MALRD1: variants seen among roughly 807,000 people sequenced by gnomAD.
MALRD1 encodes the protein MAM and LDL-receptor class A domain-containing protein 1.
Under a neutral mutation model 242.1 loss-of-function variants are expected in MALRD1, and 247 were observed. The ratio of observed to expected loss-of-function variants is 1.02; its 90% confidence interval spans 0.92 to 1.13. The LOEUF (loss-of-function observed/expected upper bound fraction) is 1.13, where lower values mean the gene tolerates loss of function less well. MALRD1 is among the 50% of genes most tolerant of loss of function. The pLI is 0.00. For synonymous variants in MALRD1, 995 were observed against 866.6 expected (o/e 1.15, Z -2.60); for missense variants, 2,989 against 2,533.1 (o/e 1.18, Z -3.86).
chr10:19,387,848 A>C, intron 27 of MALRD1, 75 bp downstream of exon 27: 1 of 1,483,056 alleles, frequency 6.7e-7, no homozygotes, highest in Non-Finnish European at 9.0e-7. Context: ...TCTGATAGCA[A>C]CTGGGGAGCT....
chr10:19,702,345 C>G (rs1460146223), intron 38 of MALRD1, among the ~76,000 whole-genome samples: 1 of 152,200 alleles, frequency 6.6e-6, no homozygotes, highest in East Asian at 1.9e-4. Flanking sequence ...TTCATGCCCT[C>G]TGCCTGGCAG....
Position 19,692,272 on chromosome 10 carries a change from T to C in MALRD1, c.6138-10T>C. 6.5e-7 allele frequency: 1 copy of C among 1,528,698 alleles called. No individual in the cohort carries two copies. The highest frequency in any genetic ancestry group is 8.8e-7 in the Non-Finnish European group (1 of 1,142,358). 94.7% of individuals were successfully genotyped at this position (1,528,698 alleles called of 1,614,324 possible). On this transcript the variant is annotated splice_polypyrimidine_tract_variant and intron_variant, in intron 36 of 39. Transcript: ENST00000454679. Reference sequence around the variant, plus strand: ...TTTTTTCCAACTATTTTATTTTATCTCCTTTCCAGATGTAGACAAGGCTGG... The same window carrying C: ...TTTTTTCCAACTATTTTATTTTATCCCCTTTCCAGATGTAGACAAGGCTGG...
At position 19,709,146 on chromosome 10, in the gene MALRD1, C is replaced by T. The variant is rs1257849460; in HGVS notation, c.6314+16592C>T. On this transcript the variant is annotated intron_variant, in intron 38 of 39. Coordinates refer to ENST00000454679, the MANE Select transcript of MALRD1 (RefSeq NM_001142308.3). ...TATGACTGGGTGCTGTGGCTCATGC[C>T]TGTAATCCCAGTGCTTTGGGAGGCC... Among the ~76,000 whole-genome samples the T allele has an allele frequency of 1.1e-4, 16 of 147,918 alleles. No individual in the cohort carries two copies. The Admixed American group carries it at 1.1e-3, about 10-fold the overall frequency.
chr10:19,242,211 A>G (rs1478787010), intron 18 of MALRD1, among the ~76,000 whole-genome samples: 1 of 152,186 alleles, frequency 6.6e-6, no homozygotes, highest in Admixed American at 6.5e-5. Flanking sequence ...AATAGAAATG[A>G]GAACCAAGTG....
chr10:19,359,675 TG>T (rs1388266634), intron 26 of MALRD1, among the ~76,000 whole-genome samples: 21 of 148,496 alleles, frequency 1.4e-4, no homozygotes, highest in African/African-American at 5.0e-4. Flanking sequence ...GCAAAGCAAG[TG>T]AAAAAAAAAG....
At chr10:19,122,340 C>T (rs1341445852) in intron 5 of MALRD1, among the ~76,000 whole-genome samples, 1 of 152,132 alleles carries the variant, frequency 6.6e-6, no homozygotes, top group African/African-American at 2.4e-5. Context: ...ACGTTATCAT[C>T]ATTAGTAATG....
intron 32 of MALRD1, among the ~76,000 whole-genome samples, chr10:19,565,449 CA>C (rs2131454795): frequency 1.3e-5 from 2 of 152,098 alleles, no homozygotes; most frequent in African/African-American, 4.8e-5. Context: ...GAAGAAATTA[CA>C]AAATAAATAT....
At chr10:19,485,280 G>A (rs1474783941) in intron 29 of MALRD1, among the ~76,000 whole-genome samples, 1 of 152,046 alleles carries the variant, frequency 6.6e-6, no homozygotes. Flanking sequence ...AGACTTTATC[G>A]CTGTACAATT....
At position 19,399,750 on chromosome 10, in the gene MALRD1, T is replaced by A. The variant is rs561408557; in HGVS notation, c.4845+10141T>A. 3.3e-5 allele frequency among the ~76,000 whole-genome samples: 5 copies of A among 151,856 alleles called. No individual in the cohort carries two copies. The East Asian group carries it at 9.6e-4, about 29-fold the overall frequency. Reference sequence around the variant, plus strand: ...TTTAATTAAAATAAATGTTTTAAACTTTTTTTAACAAATAAAGAAATATTT... The same window carrying A: ...TTTAATTAAAATAAATGTTTTAAACATTTTTTAACAAATAAAGAAATATTT... On this transcript the variant is annotated intron_variant, in intron 28 of 39. Coordinates refer to ENST00000454679, the MANE Select transcript of MALRD1 (RefSeq NM_001142308.3).
At chr10:19,546,396 A>G (rs900861654) in intron 32 of MALRD1, among the ~76,000 whole-genome samples, 33 of 152,190 alleles carry the variant, frequency 2.2e-4, no homozygotes, top group Non-Finnish European at 4.4e-4. Context: ...GGGACATTGC[A>G]TCATTTCTCT....
At chr10:19,425,065 T>A (rs921610458) in intron 28 of MALRD1, among the ~76,000 whole-genome samples, 2 of 152,292 alleles carry the variant, frequency 1.3e-5, no homozygotes, top group Middle Eastern at 3.4e-3. Context: ...AATATGATAG[T>A]TTTATATTTA....
At chr10:19,118,135 T>C (rs1226972591) in intron 5 of MALRD1, among the ~76,000 whole-genome samples, 1 of 152,168 alleles carries the variant, frequency 6.6e-6, no homozygotes, top group Non-Finnish European at 1.5e-5. Flanking sequence ...AAATAGTCAG[T>C]ATGGTCACAT....
chr10:19,097,742 A>G (rs778122828), intron 4 of MALRD1, among the ~76,000 whole-genome samples: 1 of 152,220 alleles, frequency 6.6e-6, no homozygotes, highest in African/African-American at 2.4e-5. Flanking sequence ...TTTACTAAAC[A>G]GACCTGGACT....
chr10:19,125,360 T>C (rs1001467355), intron 7 of MALRD1, among the ~76,000 whole-genome samples: 109 of 116,910 alleles, frequency 9.3e-4, no homozygotes, highest in Admixed American at 2.5e-3. Context: ...TTTCTTTCTT[T>C]CTTTCTTTCT....
In MALRD1 at chr10:19,217,108, G is replaced by A. The variant is rs187040977; in HGVS notation, c.2991+7428G>A. 8.5e-5 allele frequency among the ~76,000 whole-genome samples: 13 copies of A among 152,230 alleles called. No homozygotes were observed. In the East Asian group the frequency reaches 2.1e-3, roughly 25 times the overall value. On this transcript the variant is annotated intron_variant, in intron 18 of 39. Coordinates refer to ENST00000454679, the MANE Select transcript of MALRD1 (RefSeq NM_001142308.3). ...GCAGTAGGACCCTCTGTCTGGCCTT[G>A]CTGCTCTCATTTTTGGACCTCCTCA...
chr10:19,276,229 C>T (rs76734294), intron 19 of MALRD1, among the ~76,000 whole-genome samples: 2 of 152,022 alleles, frequency 1.3e-5, no homozygotes, highest in African/African-American at 4.8e-5. Context: ...ACGTCACTTT[C>T]CAGATGCCAT....
intron 34 of MALRD1, among the ~76,000 whole-genome samples, chr10:19,601,245 T>C (rs1412882916): frequency 6.6e-6 from 1 of 152,124 alleles, no homozygotes; most frequent in Non-Finnish European, 1.5e-5. Flanking sequence ...AAAATAGATA[T>C]TATTCATGGA....
intron 2 of MALRD1, 90 bp from the exon 3 acceptor site, chr10:19,087,750 T>A (rs528052107): frequency 9.7e-6 from 5 of 516,816 alleles, no homozygotes; most frequent in Non-Finnish European, 9.0e-6. Flanking sequence ...AAATTATTAT[T>A]GACTATAGTC....
At chr10:19,552,905 A>T (rs1175724326) in intron 32 of MALRD1, among the ~76,000 whole-genome samples, 2 of 152,236 alleles carry the variant, frequency 1.3e-5, no homozygotes, top group South Asian at 2.1e-4. Context: ...TAACAGTTTG[A>T]TCTAAGTGTG....
Sources: gnomAD v4.1 joint callset for allele counts (sites outside exome capture counted in the v4.1 genomes callset) on GRCh38, gnomAD v4.1.1 for gene constraint, MANE v1.5 for transcripts, NCBI Gene and HGNC (gene_info 2026-07-23, HGNC 2026-07-21) for gene names.